LAMC3: variants seen among roughly 807,000 people sequenced by gnomAD.
LAMC3 encodes laminin subunit gamma 3.
LAMC3 carries 128 observed loss-of-function variants against 173.8 expected under a neutral mutation model. The ratio of observed to expected loss-of-function variants is 0.74; its 90% CI spans 0.64 to 0.85. LAMC3 has a LOEUF of 0.85. Ranked by LOEUF, LAMC3 falls within the 40% of genes least tolerant of loss-of-function variation. The pLI is 0.00. For missense variants in LAMC3, 2,022 were observed against 2,156.0 expected (o/e 0.94, Z 1.23); for synonymous variants, 897 against 909.1 (o/e 0.99, Z 0.24).
At chr9:131,063,109 A>C (rs1250395933) in intron 13 of LAMC3, among the ~76,000 whole-genome samples, 2 of 152,214 alleles carry the variant, frequency 1.3e-5, no homozygotes, top group Admixed American at 1.3e-4. Flanking sequence ...TCAATTTGTC[A>C]AATGCCATGT....
chr9:131,082,372 C>T lies in LAMC3; in HGVS notation c.4030+211C>T, dbSNP rs7860487. On this transcript the variant is annotated intron_variant, in intron 24 of 27. Transcript: ENST00000361069. ...GACTTGCCCATGTGGCTATCCCATA[C>T]ACCCCAGGTCATCAGACCACATGCA... is the stretch of plus-strand genomic sequence containing the variant. Among the ~76,000 whole-genome samples the T allele has an allele frequency of 0.47, 71,768 of 152,070 alleles. 17,847 individuals carry two copies. Among genetic ancestry groups the T allele is most frequent in the African/African-American group, 0.64 (26,354 of 41,468 alleles).
intron 1 of LAMC3, among the ~76,000 whole-genome samples, chr9:131,014,758 A>G (rs1384705928): frequency 2.6e-5 from 4 of 152,212 alleles, no homozygotes; most frequent in Non-Finnish European, 5.9e-5. Flanking sequence ...AGATCACTTG[A>G]ACCAGAAGTT....
chr9:131,058,067 T>G (rs1034705641), intron 12 of LAMC3, among the ~76,000 whole-genome samples: 1 of 151,986 alleles, frequency 6.6e-6, no homozygotes, highest in Non-Finnish European at 1.5e-5. Flanking sequence ...TGAGGCCTGG[T>G]TGCTGCTGGC....
chr9:131,072,626 A>G lies in LAMC3; in HGVS notation c.3212-4A>G, dbSNP rs200950889. 2 of 1,607,384 alleles carry G rather than the reference A, an allele frequency of 1.2e-6. No homozygotes were observed. The highest frequency in any genetic ancestry group is 8.5e-7 in the Non-Finnish European group (1 of 1,178,092). On this transcript the variant is annotated splice_polypyrimidine_tract_variant and splice_region_variant and intron_variant, in intron 18 of 27. Coordinates refer to ENST00000361069, the MANE Select transcript of LAMC3 (RefSeq NM_006059.4). ...GTGACCCCTGGGCTGTGGGCTTCCC[A>G]TAGGGGCTCGGGAAGCCTTCCTGGA...
intron 11 of LAMC3, among the ~76,000 whole-genome samples, chr9:131,055,676 C>G (rs1834390774): frequency 1.3e-5 from 2 of 151,944 alleles, no homozygotes; most frequent in South Asian, 4.2e-4. Context: ...TCGCCCGCCT[C>G]AGCCTCCCAA....
intron 27 of LAMC3, among the ~76,000 whole-genome samples, chr9:131,088,999 C>G (rs916829893): frequency 6.6e-6 from 1 of 151,954 alleles, no homozygotes; most frequent in South Asian, 2.1e-4. Context: ...GCAGGAGAAT[C>G]GCTTGAACCT....
chr9:131,086,724 C>T (rs1830338996), intron 25 of LAMC3, among the ~76,000 whole-genome samples: 2 of 151,562 alleles, frequency 1.3e-5, no homozygotes, highest in African/African-American at 2.4e-5. Context: ...CCTGTCTCTA[C>T]TAAAAATACA....
At chr9:131,077,572 G>A (rs1267600400) in intron 22 of LAMC3, among the ~76,000 whole-genome samples, 1 of 148,892 alleles carries the variant, frequency 6.7e-6, no homozygotes. Flanking sequence ...AGCTACTGGA[G>A]AGGCTAAGGC....
At chr9:131,021,186 A>G (rs967247257) in intron 1 of LAMC3, 17 of 152,242 alleles carry the variant, frequency 1.1e-4, no homozygotes, top group Non-Finnish European at 2.1e-4. Context: ...TCCTCTATTC[A>G]ATCTCGGCTG....
In LAMC3 at chr9:131,057,140, C is replaced by T. The variant is rs1834424324; in HGVS notation, c.2151C>T (p.Pro717=). The T allele has an allele frequency of 6.2e-7, 1 of 1,612,642 alleles. No homozygotes were observed. Among genetic ancestry groups the T allele is most frequent in the African/African-American group, 1.3e-5 (1 of 74,894 alleles). ...CTCNQHGTCD[P]NTGICVCSHH... is the part of the protein sequence containing the mutation. Reference sequence around the variant, plus strand: ...GTAACCAGCATGGCACCTGTGACCCCAACACAGGTGAGTCTCCTGGCACCC... The same window carrying T: ...GTAACCAGCATGGCACCTGTGACCCTAACACAGGTGAGTCTCCTGGCACCC... The change falls in exon 12 of 28, where the codon CCC becomes CCT. Residue 717 remains proline (P), a synonymous_variant. Coordinates refer to ENST00000361069, the MANE Select transcript of LAMC3 (RefSeq NM_006059.4).
chr9:131,032,154 C>A lies in LAMC3; in HGVS notation c.788C>A (p.Ser263Tyr). 1 of 1,613,664 alleles carries A rather than the reference C, an allele frequency of 6.2e-7. No individual in the cohort carries two copies. The change falls in exon 3 of 28, where the codon TCC becomes TAC. Residue 263 changes from serine (S) to tyrosine (Y), a missense_variant. Physicochemically the swap from Ser to Tyr is moderately radical, Grantham distance 144. Coordinates refer to ENST00000361069, the MANE Select transcript of LAMC3 (RefSeq NM_006059.4). ...CTCCAGTCCTACTATTATGCCGTGTCCGACTTCTCTGTGGGCGGCAGGTAG... is the reference window on the plus strand; with the variant it reads ...CTCCAGTCCTACTATTATGCCGTGTACGACTTCTCTGTGGGCGGCAGGTAG... ...KVLQSYYYAV[S>Y]DFSVGGRCKC...
chr9:131,079,657 G>A (rs1284644467), intron 23 of LAMC3, among the ~76,000 whole-genome samples: 1 of 152,034 alleles, frequency 6.6e-6, no homozygotes, highest in Non-Finnish European at 1.5e-5. Flanking sequence ...TCGCGCCACT[G>A]CACTCCAGTC....
intron 13 of LAMC3, among the ~76,000 whole-genome samples, chr9:131,064,762 G>C (rs114210578): frequency 6.7e-6 from 1 of 150,176 alleles, no homozygotes; most frequent in Admixed American, 6.6e-5. Context: ...GCAGCCGGGC[G>C]TGGTGGCTTA....
chr9:131,082,385 C>G (rs1354619322), intron 24 of LAMC3, among the ~76,000 whole-genome samples: 1 of 152,340 alleles, frequency 6.6e-6, no homozygotes, highest in East Asian at 1.9e-4. Context: ...CCCAGGTCAT[C>G]AGACCACATG....
intron 1 of LAMC3, among the ~76,000 whole-genome samples, chr9:131,017,977 G>A (rs1031860060): frequency 2.6e-5 from 4 of 151,910 alleles, no homozygotes; most frequent in Admixed American, 2.6e-4. Flanking sequence ...AGTGAACCGA[G>A]ATCGCACCAC....
intron 25 of LAMC3, among the ~76,000 whole-genome samples, chr9:131,086,574 A>ATTTTTTTTTTTTT (rs1564157417): frequency 1.8e-4 from 4 of 22,054 alleles, no homozygotes; most frequent in East Asian, 6.8e-4. Flanking sequence ...TGCCTGGCTA[A>ATTTTTTTTTTTTT]CTTTTTTTTT....
At chr9:131,025,277 G>A (rs1276514694) in intron 1 of LAMC3, among the ~76,000 whole-genome samples, 1 of 152,104 alleles carries the variant, frequency 6.6e-6, no homozygotes, top group African/African-American at 2.4e-5. Flanking sequence ...ATTGCCTGTT[G>A]ACATCCCATG....
In LAMC3 at chr9:131,047,165, C is replaced by CTT. The variant is rs398012456; in HGVS notation, c.1519+1521_1519+1522dup. ...AAAACTTTTTGGTCTCTGAATTCCTCTTTTTTTTTTTTTTTTTAAGACGGA... is the reference window on the plus strand; with the variant it reads ...AAAACTTTTTGGTCTCTGAATTCCTCTTTTTTTTTTTTTTTTTTTAAGACGGA... On this transcript the variant is annotated intron_variant, in intron 8 of 27. Transcript: ENST00000361069. Among the ~76,000 whole-genome samples the CTT allele has an allele frequency of 3.6e-4, 37 of 102,168 alleles. 2 individuals are homozygous for CTT. Among genetic ancestry groups the CTT allele is most frequent in the African/African-American group, 6.0e-4 (16 of 26,592 alleles). The allele number at this position is 102,168 out of a possible 152,430, so 67.0% of individuals were successfully genotyped here.
rs59291636 is a variant in LAMC3 at position 131,048,047 on chromosome 9, ATTT to A, written c.1520-948_1520-946del. Among the ~76,000 whole-genome samples, 233 of 53,348 alleles carry A rather than the reference ATTT, an allele frequency of 4.4e-3. 1 individual carries two copies. Among genetic ancestry groups the A allele is most frequent in the Admixed American group, 6.9e-3 (25 of 3,648 alleles). 35.0% of individuals were successfully genotyped at this position (53,348 alleles called of 152,430 possible). A position where few individuals can be genotyped will look rare whatever the true frequency, so the allele number is the denominator to read the frequency against. ...AGGTGTGAGCCACCACACCCAGCTG[ATTT>A]TTTTTTTTTTTTTTTTTTTTTTTTG... On this transcript the variant is annotated intron_variant, in intron 8 of 27. Transcript: ENST00000361069.
Sources: allele counts gnomAD v4.1 joint callset (sites outside exome capture counted in the v4.1 genomes callset), GRCh38; gene constraint gnomAD v4.1.1; transcripts MANE v1.5; gene names NCBI Gene and HGNC (gene_info 2026-07-23, HGNC 2026-07-21).